The following NOSTRIN variants were observed in gnomAD, a reference collection of about 807,000 sequenced individuals.
NOSTRIN encodes nitric oxide synthase trafficking.
A neutral mutation model predicts 59.0 loss-of-function variants in NOSTRIN; 63 were observed. The observed-to-expected ratio is 1.07, with a 90% confidence interval of 0.87 to 1.32. NOSTRIN has a LOEUF of 1.32. NOSTRIN is among the 40% of genes most tolerant of loss of function. NOSTRIN has a pLI of 0.00. For missense variants in NOSTRIN, 512 were observed against 473.1 expected (o/e 1.08, Z -0.76); for synonymous variants, 200 against 165.4 (o/e 1.21, Z -1.61).
At chr2:168,850,933 A>G in intron 8 of NOSTRIN, 151 bp from the exon 9 acceptor site, 1 of 803,352 alleles carries the variant, frequency 1.2e-6, no homozygotes, top group Non-Finnish European at 2.1e-6. Flanking sequence ...CTTCCTGGAA[A>G]TCTCCCTCCA....
At position 168,834,313 on chromosome 2, in the gene NOSTRIN, G is replaced by A. The variant is rs1687545980; in HGVS notation, c.492G>A (p.Lys164=). The change falls in exon 7 of 16, where the codon AAG becomes AAA. Residue 164 remains lysine, a synonymous_variant. Transcript: ENST00000317647. Reference sequence around the variant, plus strand: ...GCTCCAAGCAATCTATGACTGAGAAGGAGAAGCGGAAGGTAAGCTGTCATG... The same window carrying A: ...GCTCCAAGCAATCTATGACTGAGAAAGAGAAGCGGAAGGTAAGCTGTCATG... The part of the protein sequence containing the change: ...VESSKQSMTE[K]EKRKLLNKLT... 1 of 872,742 alleles carries A rather than the reference G, an allele frequency of 1.1e-6. No individual in the cohort carries two copies. The highest frequency in any genetic ancestry group is 2.0e-6 in the Non-Finnish European group (1 of 501,558). The allele number at this position is 872,742 out of a possible 1,614,324, so 54.1% of individuals were successfully genotyped here. A position where few individuals can be genotyped will look rare whatever the true frequency, so the allele number is the denominator to read the frequency against.
chr2:168,813,778 C>T (rs563143458), intron 2 of NOSTRIN, among the ~76,000 whole-genome samples: 2 of 152,152 alleles, frequency 1.3e-5, no homozygotes, highest in African/African-American at 2.4e-5. Context: ...AGTATGAGTA[C>T]AAAGAACAGA....
Position 168,855,442 on chromosome 2 carries a change from G to A in NOSTRIN, c.946G>A (p.Ala316Thr). The A allele has an allele frequency of 2.5e-6, 4 of 1,605,942 alleles. No homozygotes were observed. Among genetic ancestry groups the A allele is most frequent in the Non-Finnish European group, 3.4e-6 (4 of 1,173,804 alleles). The change falls in exon 11 of 16, where the codon GCC becomes ACC. Residue 316 changes from alanine to threonine, a missense_variant. By Grantham distance (58) the Ala-to-Thr change is moderately conservative. Coordinates refer to ENST00000317647, the MANE Select transcript of NOSTRIN (RefSeq NM_001039724.4). ...GAGACTGCAGAGAGACATTGAAAAA[G>A]CCTCAAAAGACAAGGAAGGTGTGTA... ...LLRLQRDIEK[A>T]SKDKEGLERM...
chr2:168,796,354 T>A (rs1345576358), upstream of NOSTRIN, among the ~76,000 whole-genome samples: 1 of 152,240 alleles, frequency 6.6e-6, no homozygotes. Context: ...TGTGGCCTGC[T>A]GACAGCTAGC....
intron 7 of NOSTRIN, among the ~76,000 whole-genome samples, 182 bp downstream of exon 7, chr2:168,834,507 G>GCGCGCGCGCGCA (rs756381301): frequency 6.4e-5 from 8 of 125,342 alleles, no homozygotes; most frequent in East Asian, 2.4e-4. Context: ...GCGCGCGCGC[G>GCGCGCGCGCGCA]CACACACACA....
intron 10 of NOSTRIN, among the ~76,000 whole-genome samples, chr2:168,852,326 GTGTT>G (rs1451098187): frequency 6.6e-6 from 1 of 152,096 alleles, no homozygotes; most frequent in African/African-American, 2.4e-5. Context: ...TCTACTGTGG[GTGTT>G]TTTGCTGAAA....
intron 2 of NOSTRIN, among the ~76,000 whole-genome samples, chr2:168,815,600 T>C (rs561868161): frequency 6.6e-6 from 1 of 152,316 alleles, no homozygotes; most frequent in African/African-American, 2.4e-5. Flanking sequence ...CCATGATTCA[T>C]TGCGGACACT....
In NOSTRIN at chr2:168,865,024, G is replaced by C; in HGVS notation, c.*54G>C. ...ACTCGGTAATCAACAATACAGTGTGGTTCAAATAAGAATAAAGTGCTCTTA... is the reference window on the plus strand; with the variant it reads ...ACTCGGTAATCAACAATACAGTGTGCTTCAAATAAGAATAAAGTGCTCTTA... On this transcript the variant is annotated 3_prime_UTR_variant, in exon 16 of 16. Coordinates refer to ENST00000317647, the MANE Select transcript of NOSTRIN (RefSeq NM_001039724.4). The C allele has an allele frequency of 6.3e-7, 1 of 1,576,040 alleles. No homozygotes were observed.
chr2:168,845,712 C>T (rs1484338208), intron 8 of NOSTRIN, among the ~76,000 whole-genome samples: 2 of 151,588 alleles, frequency 1.3e-5, no homozygotes, highest in African/African-American at 4.8e-5. Context: ...ACAAGGTATA[C>T]ATTCATTTAC....
At chr2:168,802,040 G>A (rs970850854), upstream of NOSTRIN, among the ~76,000 whole-genome samples, 2 of 152,100 alleles carry the variant, frequency 1.3e-5, no homozygotes, top group African/African-American at 4.8e-5. Flanking sequence ...CTGGCCCTGT[G>A]GGATTTAGGG....
intron 6 of NOSTRIN, among the ~76,000 whole-genome samples, chr2:168,831,913 G>T (rs1687384078): frequency 6.6e-6 from 1 of 152,226 alleles, no homozygotes; most frequent in African/African-American, 2.4e-5. Context: ...GTTGTCACAA[G>T]TTGGGTTCCA....
chr2:168,862,233 T>C (rs1389344217), intron 15 of NOSTRIN, among the ~76,000 whole-genome samples, 184 bp downstream of exon 15: 1 of 152,228 alleles, frequency 6.6e-6, no homozygotes, highest in African/African-American at 2.4e-5. Context: ...GCTTATTCTG[T>C]TTACTGTGTG....
chr2:168,793,754 G>A (rs1023425033), upstream of NOSTRIN, among the ~76,000 whole-genome samples: 1 of 152,190 alleles, frequency 6.6e-6, no homozygotes, highest in African/African-American at 2.4e-5. Context: ...TCTGGCCTCT[G>A]AGTATCTTCC....
chr2:168,838,109 A>T (rs1230138446), intron 7 of NOSTRIN, among the ~76,000 whole-genome samples: 2 of 152,208 alleles, frequency 1.3e-5, no homozygotes. Flanking sequence ...CTATGCTGGC[A>T]ATACCCAAAT....
At chr2:168,861,367 C>G (rs917149927) in intron 14 of NOSTRIN, among the ~76,000 whole-genome samples, 1 of 152,102 alleles carries the variant, frequency 6.6e-6, no homozygotes, top group African/African-American at 2.4e-5. Flanking sequence ...CATTCATGCA[C>G]CCACACACCA....
rs538581224 is a variant in NOSTRIN at position 168,792,052 on chromosome 2, C to T, written c.-473+4004C>T. Among the ~76,000 whole-genome samples the T allele has an allele frequency of 8.2e-3, 1,254 of 152,146 alleles. 16 individuals are homozygous for T. Among genetic ancestry groups the T allele is most frequent in the African/African-American group, 0.028 (1,181 of 41,500 alleles). On this transcript the variant is annotated intron_variant, in intron 2 of 20. Transcript: ENST00000458381. The stretch of plus-strand genomic sequence containing the variant: ...CTTTTGGTGTTTTAGACATGAAGTC[C>T]TTGCCCATGCCTATGTCCTGAATGG...
chr2:168,818,273 C>A, intron 2 of NOSTRIN: 3 of 422,072 alleles, frequency 7.1e-6, no homozygotes, highest in Admixed American at 2.5e-5. Context: ...CTCGCCTCAG[C>A]CTCTCAAGTA....
chr2:168,841,814 C>G, intron 7 of NOSTRIN, among the ~76,000 whole-genome samples: 1 of 152,178 alleles, frequency 6.6e-6, no homozygotes, highest in East Asian at 1.9e-4. Flanking sequence ...GCCTTCAGAA[C>G]GAAGTTCCAA....
rs772407989 is a variant in NOSTRIN at position 168,856,721 on chromosome 2, CA to C, written c.997del (p.Thr333ProfsTer16). 6.2e-7 allele frequency: 1 copy of C among 1,614,160 alleles called. No individual in the cohort carries two copies. The highest frequency in any genetic ancestry group is 8.5e-7 in the Non-Finnish European group (1 of 1,179,994). On this transcript the variant is annotated frameshift_variant, in exon 12 of 16. Transcript: ENST00000317647. LOFTEE classifies it high-confidence loss of function. ...LERMLKTYSS[T>X]SSFSDAKSQK... ...AACGAATGCTTAAAACGTACTCCAG[CA>C]CCTCCTCCTTCTCTGATGCAAAGAG...
Sources: gnomAD v4.1 joint callset for allele counts (sites outside exome capture counted in the v4.1 genomes callset) on GRCh38, gnomAD v4.1.1 for gene constraint, MANE v1.5 for transcripts, NCBI Gene and HGNC (gene_info 2026-07-23, HGNC 2026-07-21) for gene names.